TEX36: variants seen among roughly 807,000 people sequenced by gnomAD.
TEX36 encodes the protein testis-expressed protein 36.
A neutral mutation model predicts 13.6 loss-of-function variants in TEX36; 12 were observed. The ratio of observed to expected loss-of-function variants is 0.88; its 90% CI spans 0.56 to 1.43. TEX36 has a LOEUF of 1.43. TEX36 is among the 40% of genes most tolerant of loss of function. The pLI is 0.00. For missense variants in TEX36, 224 were observed against 228.3 expected, an observed-to-expected ratio of 0.98 and a Z score of 0.12; for synonymous variants, 93 against 83.0, an observed-to-expected ratio of 1.12 and a Z score of -0.65.
chr10:125,673,539 C>T (rs142153315), intron 1 of TEX36, among the ~76,000 whole-genome samples: 1,605 of 151,790 alleles, frequency 0.011, 10 homozygotes, highest in Middle Eastern at 0.034. Flanking sequence ...GGTGAAACCC[C>T]GTCTCTGCTA....
chr10:125,581,791 T>C (rs1444737625), intron 3 of TEX36, among the ~76,000 whole-genome samples: 2 of 152,126 alleles, frequency 1.3e-5, no homozygotes, highest in African/African-American at 4.8e-5. Flanking sequence ...AGGGTGGTGG[T>C]CTCTCAACCT....
chr10:125,666,172 A>T (rs1033272248), intron 1 of TEX36, among the ~76,000 whole-genome samples: 1 of 152,064 alleles, frequency 6.6e-6, no homozygotes, highest in Non-Finnish European at 1.5e-5. Flanking sequence ...TTCTTTTCCA[A>T]TTTGGATGCT....
intron 1 of TEX36, among the ~76,000 whole-genome samples, chr10:125,665,891 A>T (rs1847113036): frequency 6.6e-6 from 1 of 152,038 alleles, no homozygotes; most frequent in African/African-American, 2.4e-5. Context: ...AATGTTTTAT[A>T]GTTTTTCTTA....
chr10:125,675,981 T>C (rs980990717), intron 1 of TEX36, among the ~76,000 whole-genome samples: 12 of 152,270 alleles, frequency 7.9e-5, no homozygotes, highest in African/African-American at 2.4e-4. Flanking sequence ...TCTGAGAAGA[T>C]ATGTAATGAC....
intron 3 of TEX36, among the ~76,000 whole-genome samples, chr10:125,605,336 A>G (rs970455055): frequency 2.0e-5 from 3 of 152,130 alleles, no homozygotes; most frequent in Non-Finnish European, 4.4e-5. Flanking sequence ...CACGCAGCAT[A>G]GTGCAGCAAT....
chr10:125,675,461 G>T (rs1192295378), intron 1 of TEX36, among the ~76,000 whole-genome samples: 2 of 152,198 alleles, frequency 1.3e-5, no homozygotes, highest in Non-Finnish European at 2.9e-5. Context: ...GTCTTAGGCA[G>T]TCCCCACCAA....
At chr10:125,581,215 T>C (rs1041338158) in intron 3 of TEX36, among the ~76,000 whole-genome samples, 6 of 152,126 alleles carry the variant, frequency 3.9e-5, no homozygotes, top group Non-Finnish European at 8.8e-5. Flanking sequence ...GAGATTAGGT[T>C]CCCAGGGGCA....
At chr10:125,657,360 T>C (rs1014587857) in intron 3 of TEX36, among the ~76,000 whole-genome samples, 1 of 152,082 alleles carries the variant, frequency 6.6e-6, no homozygotes, top group Non-Finnish European at 1.5e-5. Flanking sequence ...GGGAGGGATG[T>C]ACTCCACATA....
chr10:125,646,619 T>C (rs916998398), intron 3 of TEX36, among the ~76,000 whole-genome samples: 1 of 151,684 alleles, frequency 6.6e-6, no homozygotes, highest in Admixed American at 6.6e-5. Context: ...AAATGTAGAG[T>C]TGGTAAACAG....
At chr10:125,652,767 A>G (rs1169615678), downstream of TEX36, among the ~76,000 whole-genome samples, 2 of 152,242 alleles carry the variant, frequency 1.3e-5, no homozygotes, top group East Asian at 1.9e-4. Context: ...CAGATTCTAC[A>G]AAGAGCTTAA....
intron 3 of TEX36, among the ~76,000 whole-genome samples, chr10:125,624,390 G>T (rs1846462005): frequency 6.6e-6 from 1 of 152,216 alleles, no homozygotes. Flanking sequence ...GGGAAACCCA[G>T]GGGCAGACAT....
At chr10:125,626,471 C>G (rs1213808983) in intron 3 of TEX36, among the ~76,000 whole-genome samples, 1 of 152,212 alleles carries the variant, frequency 6.6e-6, no homozygotes, top group Non-Finnish European at 1.5e-5. Flanking sequence ...CTTTCTTTGT[C>G]TGTGCATTCA....
rs915956846 is a variant in TEX36, at chr10:125,661,892, C to T, written c.137G>A (p.Arg46Gln). The change falls in exon 2 of 4, where the codon CGG becomes CAG. Residue 46 changes from arginine to glutamine, a missense_variant. Physicochemically the swap from Arg to Gln is conservative, Grantham distance 43 (BLOSUM62 1). Coordinates refer to ENST00000368821, the MANE Select transcript of TEX36 (RefSeq NM_001128202.3). ...SKEPQSPHLP[R>Q]QAEGKLPPIY... ...GGGCGGCAGCTTCCCCTCCGCTTGC[C>T]GAGGCAAGTGTGGACTCTGGGGCTC... 6.4e-7 allele frequency: 1 copy of T among 1,552,138 alleles called. No homozygotes were observed. The highest frequency in any genetic ancestry group is 8.7e-7 in the Non-Finnish European group (1 of 1,147,084).
intron 1 of TEX36, chr10:125,667,244 G>T: frequency 1.6e-6 from 1 of 628,120 alleles, no homozygotes; most frequent in Non-Finnish European, 3.0e-6. Context: ...GGATGGCCTG[G>T]GGTGACCATG....
chr10:125,682,637 T>C (rs909344242), intron 1 of TEX36, among the ~76,000 whole-genome samples: 1 of 152,166 alleles, frequency 6.6e-6, no homozygotes, highest in Non-Finnish European at 1.5e-5. Flanking sequence ...GAGAATAAGT[T>C]CTGTAGTATG....
downstream of TEX36, among the ~76,000 whole-genome samples, chr10:125,620,827 T>G (rs1215541956): frequency 6.6e-6 from 1 of 152,172 alleles, no homozygotes; most frequent in Non-Finnish European, 1.5e-5. Context: ...CCAGTTTCCA[T>G]CTCTGTGAAT....
intron 3 of TEX36, among the ~76,000 whole-genome samples, chr10:125,615,634 C>G (rs1375581514): frequency 6.6e-6 from 1 of 150,400 alleles, no homozygotes; most frequent in African/African-American, 2.5e-5. Context: ...GGATGAAGCC[C>G]ACTTGATCAT....
At chr10:125,594,819 A>G (rs1247521695) in intron 3 of TEX36, among the ~76,000 whole-genome samples, 1 of 152,254 alleles carries the variant, frequency 6.6e-6, no homozygotes, top group Non-Finnish European at 1.5e-5. Flanking sequence ...ATAATTACAA[A>G]GAAAGCTGAA....
intron 1 of TEX36, among the ~76,000 whole-genome samples, chr10:125,674,613 CT>C (rs924809441): frequency 6.6e-6 from 1 of 152,192 alleles, no homozygotes; most frequent in Non-Finnish European, 1.5e-5. Context: ...TTTACAGGGA[CT>C]TTTTTGTTGA....
Sources: allele counts gnomAD v4.1 joint callset (sites outside exome capture counted in the v4.1 genomes callset), GRCh38; gene constraint gnomAD v4.1.1; transcripts MANE v1.5; gene names NCBI Gene and HGNC (gene_info 2026-07-23, HGNC 2026-07-21).